The following SEC16A variants were observed in gnomAD, a reference collection of about 807,000 sequenced individuals.
SEC16A encodes the protein SEC16 homolog A, endoplasmic reticulum export factor, also known as protein transport protein Sec16A.
A neutral mutation model predicts 221.9 loss-of-function variants in SEC16A; 110 were observed. That is an observed-to-expected ratio of 0.50 (90% CI 0.42 to 0.58). SEC16A has a LOEUF of 0.58. SEC16A is among the 20% of genes least tolerant of loss of function. The pLI, the probability that SEC16A is intolerant of heterozygous loss-of-function variation, is 0.00. For synonymous variants in SEC16A, 1,393 were observed against 1,257.7 expected (o/e 1.11, Z -2.28); for missense variants, 3,165 against 3,097.8 (o/e 1.02, Z -0.52).
upstream of SEC16A, chr9:136,483,077 T>A (rs888519104): frequency 2.0e-5 from 19 of 956,234 alleles, no homozygotes; most frequent in African/African-American, 3.4e-4. Flanking sequence ...CGCCGACGTG[T>A]CCGGCTTACG....
Position 136,467,091 on chromosome 9 carries a change from C to G in SEC16A, c.3803-8G>C, listed in dbSNP as rs1840258648. On this transcript the variant is annotated splice_polypyrimidine_tract_variant and splice_region_variant and intron_variant, in intron 5 of 31. Transcript: ENST00000684901. ...GATCCCAGTGACCTGGATCTGTGAG[C>G]AAGGAATTAATGATTAATACAGTAA... 6.2e-7 allele frequency: 1 copy of G among 1,611,124 alleles called. No individual in the cohort carries two copies. Among genetic ancestry groups the G allele is most frequent in the African/African-American group, 1.3e-5 (1 of 74,762 alleles).
intron 3 of SEC16A, among the ~76,000 whole-genome samples, chr9:136,472,666 C>T (rs1252605066): frequency 1.3e-5 from 2 of 152,208 alleles, no homozygotes; most frequent in African/African-American, 2.4e-5. Context: ...CCAACCAATT[C>T]GTGGCCACAG....
Position 136,455,639 on chromosome 9 carries a change from G to C in SEC16A, c.5819C>G (p.Pro1940Arg). 6.3e-7 allele frequency: 1 copy of C among 1,587,760 alleles called. No homozygotes were observed. Among genetic ancestry groups the C allele is most frequent in the Non-Finnish European group, 8.6e-7 (1 of 1,168,480 alleles). Residue 1940 changes from proline to arginine, a missense_variant, in exon 20 of 32, where the codon CCT becomes CGT. By Grantham distance (103) the Pro-to-Arg change is moderately radical (BLOSUM62 -2). Around this residue, in one of 3 missense-constraint regions of SEC16A, gnomAD observed 1,088 missense variants for 1,089.6 expected, o/e 1.00. Transcript: ENST00000684901. ...NPLLAVPAPSPEHSSPSVRLL... is the reference protein window; with the variant it reads ...NPLLAVPAPSREHSSPSVRLL... The stretch of plus-strand genomic sequence containing the variant: ...CCGCACGCTCGGGCTCGAGTGCTCA[G>C]GGCTCGGTGCAGGCACCGCCAGCAG...
chr9:136,467,202 C>T lies in SEC16A; in HGVS notation c.3803-119G>A, dbSNP rs61274518. ...TGCTCCAAGGACTCCTCGAGAAACC[C>T]AGCTTCTTCCTGGAAACCAGCACGA... On this transcript the variant is annotated intron_variant, in intron 5 of 31. Transcript: ENST00000684901. 2.1e-3 allele frequency: 2,513 copies of T among 1,171,788 alleles called. 32 individuals are homozygous for T. In the African/African-American group the frequency reaches 0.035, roughly 16 times the overall value. The allele number at this position is 1,171,788 out of a possible 1,614,324, so 72.6% of individuals were successfully genotyped here.
Position 136,455,674 on chromosome 9 carries a change from G to A in SEC16A, c.5784C>T (p.Ile1928=), listed in dbSNP as rs1228445523. Residue 1928 remains isoleucine (I), a synonymous_variant, in exon 20 of 32, where the codon ATC becomes ATT. Coordinates refer to ENST00000684901, the MANE Select transcript of SEC16A (RefSeq NM_014866.2). ...CAGGCACCGCCAGCAGAGGGTTGGC[G>A]ATCCCCAGGGCTCCTGGCTGACTGA... The part of the protein sequence containing the change: ...PGLSQPGALG[I]ANPLLAVPAP... 5 of 1,593,432 alleles carry A rather than the reference G, an allele frequency of 3.1e-6. No individual in the cohort carries two copies. Among genetic ancestry groups the A allele is most frequent in the African/African-American group, 2.7e-5 (2 of 74,554 alleles).
intron 3 of SEC16A, 61 bp from the exon 4 acceptor site, chr9:136,472,172 C>T: frequency 1.3e-6 from 2 of 1,596,398 alleles, no homozygotes; most frequent in South Asian, 2.2e-5. Flanking sequence ...CGTCCAACAG[C>T]CAGCCTGAGC....
At chr9:136,454,576 C>A (rs1326060259) in intron 20 of SEC16A, among the ~76,000 whole-genome samples, 5 of 152,224 alleles carry the variant, frequency 3.3e-5, no homozygotes, top group Non-Finnish European at 7.3e-5. Flanking sequence ...GGCACGCGGG[C>A]TCCAGGGCCC....
Position 136,459,402 on chromosome 9 carries a change from T to G in SEC16A, c.5303+42A>C, listed in dbSNP as rs893505208. 8 of 1,507,688 alleles carry G rather than the reference T, an allele frequency of 5.3e-6. No homozygotes were observed. The highest frequency in any genetic ancestry group is 3.6e-5 in the South Asian group (3 of 82,940). The allele number at this position is 1,507,688 out of a possible 1,614,324, so 93.4% of individuals were successfully genotyped here. On this transcript the variant is annotated intron_variant, in intron 16 of 31. Coordinates refer to ENST00000684901, the MANE Select transcript of SEC16A (RefSeq NM_014866.2). This position sits in a 1 kb window ranked among gnomAD's most constrained non-coding sequence, Gnocchi z 6.1. ...AAAGGAGAAGGATTTTGTTTTACTTTGAAAGGAAAACTTACAGGACTACAC... is the reference window on the plus strand; with the variant it reads ...AAAGGAGAAGGATTTTGTTTTACTTGGAAAGGAAAACTTACAGGACTACAC...
In SEC16A at chr9:136,474,104, G is replaced by A. The variant is rs1210618622; in HGVS notation, c.3512C>T (p.Pro1171Leu). ...CGGTGGGTACGGCAAAGAGTACTGA[G>A]GCTGGTAGGCATCGTACAAAGGCCG... ...YYRPLYDAYQ[P>L]QYSLPYPPEP... Residue 1171 changes from proline to leucine, a missense_variant, in exon 3 of 32, where the codon CCT becomes CTT. Transcript: ENST00000684901. 6.2e-7 allele frequency: 1 copy of A among 1,613,176 alleles called. No individual in the cohort carries two copies. Among genetic ancestry groups the A allele is most frequent in the South Asian group, 1.1e-5 (1 of 91,038 alleles).
intron 30 of SEC16A, among the ~76,000 whole-genome samples, chr9:136,444,622 C>T (rs1206950261): frequency 6.6e-6 from 1 of 152,136 alleles, no homozygotes; most frequent in Non-Finnish European, 1.5e-5. Flanking sequence ...TTTAAAGGAA[C>T]ACTGCTGTAA....
chr9:136,463,385 C>A, intron 11 of SEC16A, 78 bp downstream of exon 11: 1 of 1,558,692 alleles, frequency 6.4e-7, no homozygotes, highest in South Asian at 1.2e-5. Flanking sequence ...CCGCCCTGCT[C>A]CTTCGGGAGG....
chr9:136,456,946 T>C (rs1838763031), intron 18 of SEC16A, among the ~76,000 whole-genome samples: 2 of 152,204 alleles, frequency 1.3e-5, no homozygotes, highest in South Asian at 2.1e-4. Flanking sequence ...GGCAGATGCA[T>C]GCATCACTTG....
chr9:136,469,109 T>C (rs548070988), intron 4 of SEC16A, among the ~76,000 whole-genome samples: 1 of 152,164 alleles, frequency 6.6e-6, no homozygotes, highest in East Asian at 1.9e-4. Context: ...CTCAGCCTCC[T>C]AAAGTGCTGG....
chr9:136,466,835 A>G lies in SEC16A; in HGVS notation c.3929+122T>C. 8.0e-7 allele frequency: 1 copy of G among 1,245,276 alleles called. No individual in the cohort carries two copies. Among genetic ancestry groups the G allele is most frequent in the South Asian group, 1.5e-5 (1 of 66,684 alleles). 77.1% of individuals were successfully genotyped at this position (1,245,276 alleles called of 1,614,324 possible). ...CTTCCTTTCAGACAGGGACCAAAAC[A>G]TCAGGCAGATGCTCACCCAAACTAC... On this transcript the variant is annotated intron_variant, in intron 6 of 31. Coordinates refer to ENST00000684901, the MANE Select transcript of SEC16A (RefSeq NM_014866.2). This position sits in a 1 kb window ranked among gnomAD's most constrained non-coding sequence, Gnocchi z 5.5.
Position 136,474,943 on chromosome 9 carries a change from G to A in SEC16A, c.2673C>T (p.Ser891=). ...ENTSLSGIPT[S]SVLSLSLPSS... is the part of the protein sequence containing the mutation. The stretch of plus-strand genomic sequence containing the variant: ...TAGGCAGAGACAAGCTAAGGACAGA[G>A]CTGGTTGGAATCCCAGACAAAGAAG... Residue 891 remains serine, a synonymous_variant, in exon 3 of 32, where the codon AGC becomes AGT. Transcript: ENST00000684901. The A allele has an allele frequency of 6.2e-7, 1 of 1,613,882 alleles. No homozygotes were observed. The highest frequency in any genetic ancestry group is 8.5e-7 in the Non-Finnish European group (1 of 1,179,884).
At chr9:136,445,143 G>C in intron 29 of SEC16A, 32 bp from the exon 30 acceptor site, 4 of 1,578,404 alleles carry the variant, frequency 2.5e-6, no homozygotes, top group Non-Finnish European at 3.5e-6. Context: ...CATAAAACAC[G>C]GACGAAAGTC....
intron 20 of SEC16A, among the ~76,000 whole-genome samples, chr9:136,454,557 A>G (rs117727231): frequency 0.016 from 2,399 of 152,260 alleles, 30 homozygotes; most frequent in Non-Finnish European, 0.027. Context: ...GCACTTGAGC[A>G]GTCACAGCGG....
chr9:136,456,611 C>T (rs1308303903), intron 18 of SEC16A, among the ~76,000 whole-genome samples: 1 of 152,242 alleles, frequency 6.6e-6, no homozygotes, highest in African/African-American at 2.4e-5. Context: ...GCATGAATGA[C>T]TCTCTGAACT....
chr9:136,479,593 C>G (rs1333851052), intron 1 of SEC16A, among the ~76,000 whole-genome samples: 2 of 152,154 alleles, frequency 1.3e-5, no homozygotes, highest in African/African-American at 2.4e-5. Context: ...ACCTCATAAT[C>G]CACCCGCCTC....
Sources: allele counts gnomAD v4.1 joint callset (sites outside exome capture counted in the v4.1 genomes callset), GRCh38; gene constraint gnomAD v4.1.1; regional missense constraint gnomAD v4.1.1; non-coding constraint Gnocchi (gnomAD v3.1); transcripts MANE v1.5; gene names NCBI Gene and HGNC (gene_info 2026-07-23, HGNC 2026-07-21).